Variants in SEZ6L observed in about 807,000 individuals in gnomAD.
The protein encoded by SEZ6L is seizure 6-like protein.
In SEZ6L, 37 loss-of-function variants were observed where a neutral mutation model predicts 106.2. That is an observed-to-expected ratio of 0.35 (90% CI 0.27 to 0.46). The LOEUF is 0.46. Among genes scored for constraint, SEZ6L ranks in the 20% least tolerant of loss-of-function variants. The pLI, the probability that SEZ6L is intolerant of heterozygous loss-of-function variation, is 1.00. For missense variants in SEZ6L, 1,172 were observed against 1,332.8 expected (o/e 0.88, Z 1.88); for synonymous variants, 541 against 570.4 (o/e 0.95, Z 0.73).
chr22:26,336,276 A>G (rs1310098240), intron 9 of SEZ6L, among the ~76,000 whole-genome samples: 1 of 152,072 alleles, frequency 6.6e-6, no homozygotes, highest in Non-Finnish European at 1.5e-5. Flanking sequence ...ACTGGAGGAT[A>G]AATACCCCAG....
At chr22:26,281,709 G>A (rs1005954715) in intron 1 of SEZ6L, among the ~76,000 whole-genome samples, 4 of 152,184 alleles carry the variant, frequency 2.6e-5, no homozygotes, top group Admixed American at 6.5e-5. Context: ...CAGTTCCGAT[G>A]TTCTGTGATA....
intron 9 of SEZ6L, among the ~76,000 whole-genome samples, chr22:26,338,855 C>CTTTTTTTTTTT (rs758792495): frequency 1.1e-5 from 1 of 93,376 alleles, no homozygotes; most frequent in African/African-American, 4.1e-5. Context: ...CACGCCCGGA[C>CTTTTTTTTTTT]TTTTTTTTTT....
At position 26,347,054 on chromosome 22, in the gene SEZ6L, G is replaced by A. The variant is rs190955790; in HGVS notation, c.2213-665G>A. Among the ~76,000 whole-genome samples, 170 of 151,848 alleles carry A rather than the reference G, an allele frequency of 1.1e-3. 3 individuals carry two copies. Among genetic ancestry groups the A allele is most frequent in the African/African-American group, 3.3e-3 (135 of 41,378 alleles). On this transcript the variant is annotated intron_variant, in intron 10 of 16. Transcript: ENST00000248933. ...CAGAAAAAAAAAAAAAATTAGCCAG[G>A]CCATGGTGGTACATGACTGTGGTCC...
At chr22:26,230,355 A>T (rs1411390396) in intron 1 of SEZ6L, among the ~76,000 whole-genome samples, 1 of 151,774 alleles carries the variant, frequency 6.6e-6, no homozygotes, top group East Asian at 1.9e-4. Flanking sequence ...TCCTCCATGC[A>T]GCCTGCCTTG....
chr22:26,382,746 A>G lies in SEZ6L; in HGVS notation c.*2451A>G, dbSNP rs2084448786. ...TTGTAATACGTAAAGGTAAAAAAAA[A>G]TAGTGCCAAAAATGTGCAAGGCATC... On this transcript the variant is annotated 3_prime_UTR_variant, in exon 17 of 17. Transcript: ENST00000248933. 1 of 151,942 alleles carries G rather than the reference A, an allele frequency of 6.6e-6. No homozygotes were observed. The highest frequency in any genetic ancestry group is 2.1e-4 in the South Asian group (1 of 4,814). 9.4% of individuals were successfully genotyped at this position (151,942 alleles called of 1,614,324 possible).
intron 4 of SEZ6L, 25 bp from the exon 5 acceptor site, chr22:26,298,959 A>G: frequency 6.5e-7 from 1 of 1,530,856 alleles, no homozygotes; most frequent in Non-Finnish European, 8.8e-7. Context: ...GTGATGACTG[A>G]GTCTGCCTCT....
At chr22:26,245,767 T>C (rs5761439) in intron 1 of SEZ6L, among the ~76,000 whole-genome samples, 5 of 152,212 alleles carry the variant, frequency 3.3e-5, no homozygotes, top group Admixed American at 3.3e-4. Flanking sequence ...TGTTCTTATG[T>C]GTCAGATGGG....
chr22:26,375,760 C>A, intron 15 of SEZ6L, 71 bp downstream of exon 15: 2 of 1,108,830 alleles, frequency 1.8e-6, no homozygotes, highest in Non-Finnish European at 2.6e-6. Flanking sequence ...GGGCGGTTCA[C>A]CTCTCTGAGC....
At chr22:26,186,483 T>C (rs1939791308) in intron 1 of SEZ6L, among the ~76,000 whole-genome samples, 1 of 151,822 alleles carries the variant, frequency 6.6e-6, no homozygotes, top group African/African-American at 2.4e-5. Flanking sequence ...ATAGCCAAGG[T>C]GCAGAGTAGG....
chr22:26,318,072 A>C (rs1420721571), intron 9 of SEZ6L, among the ~76,000 whole-genome samples: 4 of 151,304 alleles, frequency 2.6e-5, no homozygotes, highest in South Asian at 4.2e-4. Flanking sequence ...ATTTTATTTT[A>C]TTTTATTTTA....
At position 26,280,297 on chromosome 22, in the gene SEZ6L, TA is replaced by T. The variant is rs537614015; in HGVS notation, c.95-12102del. On this transcript the variant is annotated intron_variant, in intron 1 of 16. Transcript: ENST00000248933. ...ATATATATATACATATATATGCATG[TA>T]AAAAAAGGTCTATAATGAAAATTCT... 1.1e-4 allele frequency among the ~76,000 whole-genome samples: 17 copies of T among 152,218 alleles called. No individual in the cohort carries two copies. The East Asian group carries it at 1.3e-3, about 12-fold the overall frequency.
intron 1 of SEZ6L, among the ~76,000 whole-genome samples, chr22:26,270,970 A>G (rs2080345962): frequency 6.6e-6 from 1 of 152,200 alleles, no homozygotes; most frequent in African/African-American, 2.4e-5. Context: ...TCAAGGGCGT[A>G]ATGAGATGTC....
intron 9 of SEZ6L, among the ~76,000 whole-genome samples, chr22:26,320,434 G>A (rs375508070): frequency 1.8e-4 from 28 of 152,356 alleles, no homozygotes; most frequent in African/African-American, 5.3e-4. Context: ...GTGTCATCCC[G>A]GGGCCTTAGG....
chr22:26,202,715 G>A (rs56691462), intron 1 of SEZ6L, among the ~76,000 whole-genome samples: 1,892 of 152,264 alleles, frequency 0.012, 42 homozygotes, highest in South Asian at 0.066. Context: ...GGAAGGGCAG[G>A]TCTGCTATTC....
intron 1 of SEZ6L, among the ~76,000 whole-genome samples, chr22:26,255,495 T>G (rs1453189079): frequency 6.6e-6 from 1 of 152,214 alleles, no homozygotes; most frequent in Non-Finnish European, 1.5e-5. Context: ...GAGAAGGACT[T>G]TCTGTGAGGT....
At chr22:26,338,717 G>A (rs1165129582) in intron 9 of SEZ6L, among the ~76,000 whole-genome samples, 1 of 151,960 alleles carries the variant, frequency 6.6e-6, no homozygotes, top group African/African-American at 2.4e-5. Context: ...CTGCCACCAC[G>A]CCCAGCTAAT....
intron 1 of SEZ6L, among the ~76,000 whole-genome samples, chr22:26,227,353 C>T (rs376331489): frequency 1.3e-5 from 2 of 152,160 alleles, no homozygotes; most frequent in Admixed American, 6.5e-5. Flanking sequence ...AAGTGCCAGA[C>T]CTTGACTAGA....
chr22:26,215,115 C>T (rs530823116), intron 1 of SEZ6L, among the ~76,000 whole-genome samples: 423 of 152,228 alleles, frequency 2.8e-3, no homozygotes, highest in African/African-American at 9.7e-3. Context: ...TGGTTAGAAG[C>T]GAAGACCGAA....
intron 1 of SEZ6L, among the ~76,000 whole-genome samples, chr22:26,223,109 G>T (rs2078527970): frequency 6.6e-6 from 1 of 152,178 alleles, no homozygotes; most frequent in Non-Finnish European, 1.5e-5. Context: ...CACCGTAGGA[G>T]TTGTAGCAGC....
Sources: allele counts gnomAD v4.1 joint callset (sites outside exome capture counted in the v4.1 genomes callset), GRCh38; gene constraint gnomAD v4.1.1; transcripts MANE v1.5; gene names NCBI Gene and HGNC (gene_info 2026-07-23, HGNC 2026-07-21).